GRIN3A: variants seen among roughly 807,000 people sequenced by gnomAD.
GRIN3A encodes the protein glutamate receptor ionotropic, NMDA 3A.
GRIN3A carries 47 observed loss-of-function variants against 92.4 expected under a neutral mutation model. The observed-to-expected ratio is 0.51, with a 90% CI of 0.40 to 0.65. GRIN3A has a LOEUF of 0.65. GRIN3A is among the 30% of genes least tolerant of loss of function. GRIN3A has a pLI of 0.00. For synonymous variants in GRIN3A, 527 were observed against 540.6 expected (o/e 0.97, Z 0.35); for missense variants, 1,324 against 1,393.1 (o/e 0.95, Z 0.79).
At chr9:101,737,157 C>T in intron 1 of GRIN3A, 124 bp downstream of exon 1, 2 of 770,092 alleles carry the variant, frequency 2.6e-6, no homozygotes, top group Non-Finnish European at 2.3e-6. Context: ...AATCGTTAAG[C>T]AATATCAAAG....
At chr9:101,647,524 A>C (rs1481464504) in intron 3 of GRIN3A, among the ~76,000 whole-genome samples, 1 of 151,174 alleles carries the variant, frequency 6.6e-6, no homozygotes, top group Non-Finnish European at 1.5e-5. Flanking sequence ...ATGAGTTTGG[A>C]ATTATTTCCT....
At position 101,670,576 on chromosome 9, in the gene GRIN3A, G is replaced by C. The variant is rs760073167; in HGVS notation, c.1836C>G (p.His612Gln). Reference sequence around the variant, plus strand: ...GGAGATCACCCACTAGCCCAGTCCAGTGCCCATTTTTCCATGCTCCATACT... The same window carrying C: ...GGAGATCACCCACTAGCCCAGTCCACTGCCCATTTTTCCATGCTCCATACT... The part of the protein sequence containing the change: ...DGKYGAWKNG[H>Q]WTGLVGDLLR... Residue 612 changes from histidine (H) to glutamine (Q), a missense_variant, in exon 3 of 9, where the codon CAC becomes CAG. Physicochemically the swap from His to Gln is conservative, Grantham distance 24 (BLOSUM62 0). Transcript: ENST00000361820. The C allele has an allele frequency of 1.2e-6, 2 of 1,614,052 alleles. No homozygotes were observed. Among genetic ancestry groups the C allele is most frequent in the Non-Finnish European group, 1.7e-6 (2 of 1,179,990 alleles).
intron 6 of GRIN3A, among the ~76,000 whole-genome samples, chr9:101,607,659 C>T (rs965340657): frequency 6.6e-6 from 1 of 152,204 alleles, no homozygotes; most frequent in Admixed American, 6.5e-5. Flanking sequence ...GATTAAGGCA[C>T]TCGCCAAAAG....
chr9:101,593,384 A>G (rs1828060518), intron 6 of GRIN3A: 1 of 152,234 alleles, frequency 6.6e-6, no homozygotes, highest in Non-Finnish European at 1.5e-5. Flanking sequence ...TCTGATTTTC[A>G]AAATCAGCAT....
intron 3 of GRIN3A, among the ~76,000 whole-genome samples, chr9:101,643,685 A>T (rs551179229): frequency 1.7e-4 from 26 of 150,306 alleles, no homozygotes; most frequent in African/African-American, 3.6e-4. Flanking sequence ...TCTCTCTCTC[A>T]CACACACACA....
intron 6 of GRIN3A, among the ~76,000 whole-genome samples, chr9:101,607,299 G>A (rs1301364707): frequency 6.6e-6 from 1 of 152,100 alleles, no homozygotes; most frequent in Non-Finnish European, 1.5e-5. Context: ...GGGGAAAAAG[G>A]CACCTAGTAA....
At chr9:101,594,634 G>A (rs200803443) in intron 6 of GRIN3A, 2 of 1,614,192 alleles carry the variant, frequency 1.2e-6, no homozygotes, top group Admixed American at 1.7e-5. Flanking sequence ...CGTAAATGCT[G>A]AACGCAAACC....
At chr9:101,660,225 G>A (rs1435094537) in intron 3 of GRIN3A, among the ~76,000 whole-genome samples, 2 of 151,718 alleles carry the variant, frequency 1.3e-5, no homozygotes, top group Non-Finnish European at 2.9e-5. Context: ...TCTGAGACTC[G>A]GTTCCACTAT....
chr9:101,631,546 G>A (rs530498330), intron 3 of GRIN3A, among the ~76,000 whole-genome samples: 1 of 152,102 alleles, frequency 6.6e-6, no homozygotes, highest in East Asian at 1.9e-4. Context: ...GAATGCACCA[G>A]CACATCGTTC....
At chr9:101,689,743 T>TACACACACAC (rs33984810) in intron 1 of GRIN3A, among the ~76,000 whole-genome samples, 4 of 143,722 alleles carry the variant, frequency 2.8e-5, no homozygotes, top group African/African-American at 7.8e-5. Context: ...CACACACACA[T>TACACACACAC]ACACACACAC....
intron 6 of GRIN3A, among the ~76,000 whole-genome samples, chr9:101,584,734 C>T (rs942472118): frequency 2.6e-5 from 4 of 152,200 alleles, no homozygotes; most frequent in African/African-American, 9.7e-5. Context: ...TGTACTATCA[C>T]AGGTGTGGTC....
chr9:101,661,483 G>T (rs1829171022), intron 3 of GRIN3A, among the ~76,000 whole-genome samples: 1 of 151,766 alleles, frequency 6.6e-6, no homozygotes, highest in South Asian at 2.1e-4. Flanking sequence ...AATGTAGTAT[G>T]TGGTTTTGTA....
At chr9:101,590,043 A>T (rs1338870368) in intron 6 of GRIN3A, among the ~76,000 whole-genome samples, 2 of 152,156 alleles carry the variant, frequency 1.3e-5, no homozygotes, top group East Asian at 3.8e-4. Flanking sequence ...AATATTGGTA[A>T]TTTTTAAAAA....
chr9:101,692,333 A>C (rs1829630491), intron 1 of GRIN3A, among the ~76,000 whole-genome samples: 1 of 152,094 alleles, frequency 6.6e-6, no homozygotes, highest in Admixed American at 6.6e-5. Context: ...CATGCAAGTT[A>C]AGGAATTCTT....
At chr9:101,597,169 T>A (rs1485794514) in intron 6 of GRIN3A, among the ~76,000 whole-genome samples, 1 of 152,216 alleles carries the variant, frequency 6.6e-6, no homozygotes, top group Non-Finnish European at 1.5e-5. Context: ...AAAGACGGAC[T>A]TTTCCCTGTT....
rs1174373772 is a variant in GRIN3A at position 101,572,210 on chromosome 9, G to C, written c.*964C>G. The C allele has an allele frequency of 6.5e-6, 1 of 152,788 alleles. No homozygotes were observed. The highest frequency in any genetic ancestry group is 2.4e-5 in the African/African-American group (1 of 41,458). The allele number at this position is 152,788 out of a possible 1,614,324, so 9.5% of individuals were successfully genotyped here. A position where few individuals can be genotyped will look rare whatever the true frequency, so the allele number is the denominator to read the frequency against. On this transcript the variant is annotated 3_prime_UTR_variant, in exon 9 of 9. Coordinates refer to ENST00000361820, the MANE Select transcript of GRIN3A (RefSeq NM_133445.3). Reference sequence around the variant, plus strand: ...CTATGCTAAGCGATGGGTGACTGCTGATCTGAAAATGGCCTAGTGTGTGGT... The same window carrying C: ...CTATGCTAAGCGATGGGTGACTGCTCATCTGAAAATGGCCTAGTGTGTGGT...
intron 1 of GRIN3A, among the ~76,000 whole-genome samples, chr9:101,728,744 C>T (rs928293890): frequency 3.3e-5 from 5 of 152,160 alleles, no homozygotes; most frequent in Non-Finnish European, 4.4e-5. Flanking sequence ...TGTAAATGCA[C>T]AGGTAGTAGT....
At chr9:101,679,450 C>G (rs1487397108) in intron 2 of GRIN3A, among the ~76,000 whole-genome samples, 2 of 152,004 alleles carry the variant, frequency 1.3e-5, no homozygotes, top group African/African-American at 4.8e-5. Context: ...TCCAGTGTAC[C>G]TTATGTGAGT....
intron 5 of GRIN3A, among the ~76,000 whole-genome samples, chr9:101,616,023 T>C (rs4743474): frequency 0.52 from 79,427 of 151,942 alleles, 21,055 homozygotes; most frequent in African/African-American, 0.62. Context: ...TAATATCTGT[T>C]TCCCCTGTAG....
Sources: gnomAD v4.1 joint callset for allele counts (sites outside exome capture counted in the v4.1 genomes callset) on GRCh38, gnomAD v4.1.1 for gene constraint, MANE v1.5 for transcripts, NCBI Gene and HGNC (gene_info 2026-07-23, HGNC 2026-07-21) for gene names.